KLHL11: variants seen among roughly 807,000 people sequenced by gnomAD.
KLHL11 encodes kelch-like protein 11.
A neutral mutation model predicts 56.1 loss-of-function variants in KLHL11; 26 were observed. That is an observed-to-expected ratio of 0.46 (90% CI 0.34 to 0.64). The LOEUF (loss-of-function observed/expected upper bound fraction) is 0.64. KLHL11 is among the 30% of genes least tolerant of loss of function. The probability of loss-of-function intolerance (pLI) is 0.01; values close to 1 mark genes in which losing one functional copy is unlikely to be tolerated. For synonymous variants in KLHL11, 338 were observed against 345.8 expected (o/e 0.98, Z 0.25); for missense variants, 627 against 919.4 (o/e 0.68, Z 4.11).
Position 41,851,393 on chromosome 17 carries a change from G to C in KLHL11, c.*2347C>G, listed in dbSNP as rs1352940116. 1 of 152,094 alleles carries C rather than the reference G, an allele frequency of 6.6e-6. No homozygotes were observed. Among genetic ancestry groups the C allele is most frequent in the Non-Finnish European group, 1.5e-5 (1 of 68,044 alleles). The allele number at this position is 152,094 out of a possible 1,614,324, so 9.4% of individuals were successfully genotyped here. On this transcript the variant is annotated 3_prime_UTR_variant, in exon 2 of 2. Coordinates refer to ENST00000319121, the MANE Select transcript of KLHL11 (RefSeq NM_018143.3). ...CTGAGGTGGGCGGATCACGAGGTCA[G>C]GAGTTCGAGACCAGCCTAACCAACA...
rs1250188452 is a variant in KLHL11, at chr17:41,865,405, G to A, written c.-35C>T. Reference sequence around the variant, plus strand: ...GCTGCGCCCGGCCTCCACAGCCTCGGAACGATGCGGCTGTTGGTACGACAC... The same window carrying A: ...GCTGCGCCCGGCCTCCACAGCCTCGAAACGATGCGGCTGTTGGTACGACAC... On this transcript the variant is annotated 5_prime_UTR_variant, in exon 1 of 2. Transcript: ENST00000319121. 8.8e-6 allele frequency: 11 copies of A among 1,251,156 alleles called. No homozygotes were observed. Among genetic ancestry groups the A allele is most frequent in the Admixed American group, 3.4e-5 (1 of 29,648 alleles). 77.5% of individuals were successfully genotyped at this position (1,251,156 alleles called of 1,614,324 possible).
Position 41,851,804 on chromosome 17 carries a change from C to A in KLHL11, c.*1936G>T, listed in dbSNP as rs7216097. Among the ~76,000 whole-genome samples, 114,511 of 150,858 alleles carry A rather than the reference C, an allele frequency of 0.76. 43,687 individuals are homozygous for A. Among genetic ancestry groups the A allele is most frequent in the Admixed American group, 0.85 (12,813 of 15,162 alleles). The stretch of plus-strand genomic sequence containing the variant: ...CGCGTGCCCATAGTCCCAGCTACTC[C>A]GTATGCTGAGGTGGCAGGATGGCTT... On this transcript the variant is annotated 3_prime_UTR_variant, in exon 2 of 2. Transcript: ENST00000319121.
In KLHL11 at chr17:41,865,374, G is replaced by A. The variant is rs1209486784; in HGVS notation, c.-4C>T. 4.3e-6 allele frequency: 6 copies of A among 1,407,528 alleles called. No individual in the cohort carries two copies. Among genetic ancestry groups the A allele is most frequent in the Non-Finnish European group, 5.5e-6 (6 of 1,083,006 alleles). 87.2% of individuals were successfully genotyped at this position (1,407,528 alleles called of 1,614,324 possible). On this transcript the variant is annotated 5_prime_UTR_variant, in exon 1 of 2. Transcript: ENST00000319121. ...CCGCCACTGCCGCAGCCGCCATCTTGACGCCGCTGCGCCCGGCCTCCACAG... is the reference window on the plus strand; with the variant it reads ...CCGCCACTGCCGCAGCCGCCATCTTAACGCCGCTGCGCCCGGCCTCCACAG...
Position 41,854,985 on chromosome 17 carries a change from C to A in KLHL11, c.882G>T (p.Leu294Phe), listed in dbSNP as rs1555622373. 2 of 1,614,038 alleles carry A rather than the reference C, an allele frequency of 1.2e-6. No individual in the cohort carries two copies. The highest frequency in any genetic ancestry group is 3.3e-5 in the Admixed American group (2 of 59,998). ...TAAGGTAGGTAGGTTTCATCTGGGA[C>A]AACCTGAGCAATTTAAAAAGTTCTT... ...YFEELFKLLR[L>F]SQMKPTYLTR... Residue 294 changes from leucine (L) to phenylalanine (F), a missense_variant, in exon 2 of 2, where the codon TTG becomes TTT. Physicochemically the swap from Leu to Phe is conservative, Grantham distance 22 (BLOSUM62 0). Coordinates refer to ENST00000319121, the MANE Select transcript of KLHL11 (RefSeq NM_018143.3). The surrounding 1 kb of genome is among the most constrained non-coding windows in gnomAD (Gnocchi z 4.9).
intron 1 of KLHL11, among the ~76,000 whole-genome samples, chr17:41,858,438 G>GT (rs1238461188): frequency 5.1e-5 from 3 of 58,542 alleles, no homozygotes; most frequent in South Asian, 7.9e-4. Context: ...TGTTGTTGTT[G>GT]TTTTTCTCCC....
At chr17:41,855,415 G>T in intron 1 of KLHL11, 94 bp from the exon 2 acceptor site, 1 of 910,284 alleles carries the variant, frequency 1.1e-6, no homozygotes, top group Non-Finnish European at 1.6e-6. Flanking sequence ...GTCTCACTCT[G>T]CCACCCAGGT....
chr17:41,854,303 C>G lies in KLHL11; in HGVS notation c.1564G>C (p.Ala522Pro), dbSNP rs782615605. 3 of 1,614,046 alleles carry G rather than the reference C, an allele frequency of 1.9e-6. No homozygotes were observed. The highest frequency in any genetic ancestry group is 2.5e-6 in the Non-Finnish European group (3 of 1,180,026). The change falls in exon 2 of 2, where the codon GCT becomes CCT. Residue 522 changes from alanine (A) to proline (P), a missense_variant. Transcript: ENST00000319121. The surrounding 1 kb of genome is among the most constrained non-coding windows in gnomAD (Gnocchi z 4.9). ...VDRDTEDGLK[A>P]VITCYDTETR... is the part of the protein sequence containing the mutation. The stretch of plus-strand genomic sequence containing the variant: ...TCTGTATCATAGCAAGTAATTACAG[C>G]CTTTAATCCATCTTCAGTGTCCCGG...
At position 41,854,345 on chromosome 17, in the gene KLHL11, C is replaced by T. The variant is rs781982397; in HGVS notation, c.1522G>A (p.Ala508Thr). The T allele has an allele frequency of 4.3e-6, 7 of 1,614,008 alleles. No homozygotes were observed. The highest frequency in any genetic ancestry group is 1.3e-5 in the African/African-American group (1 of 74,876). Residue 508 changes from alanine to threonine, a missense_variant, in exon 2 of 2, where the codon GCC (alanine) becomes ACC (threonine). Physicochemically the swap from Ala to Thr is moderately conservative, Grantham distance 58. Transcript: ENST00000319121. This position sits in a 1 kb window ranked among gnomAD's most constrained non-coding sequence, Gnocchi z 4.9. ...GTGTCCCGGTCTACAGGAGTGCGGG[C>T]GGCAATGTATACAAACCGGTCTTCA... Reference protein sequence around the residue: ...AIEDRFVYIAARTPVDRDTED... With the variant: ...AIEDRFVYIATRTPVDRDTED...
Position 41,854,766 on chromosome 17 carries a change from C to T in KLHL11, c.1101G>A (p.Val367=), listed in dbSNP as rs2048354579. The stretch of plus-strand genomic sequence containing the variant: ...CACTTAAATAGTCCCCTCCTTCTGA[C>T]ACACCTCCAATAACCATGATCACAT... ...NMDVIMVIGG[V]SEGGDYLSEC... Residue 367 remains valine, a synonymous_variant, in exon 2 of 2, where the codon GTG becomes GTA. Transcript: ENST00000319121. This position sits in a 1 kb window ranked among gnomAD's most constrained non-coding sequence, Gnocchi z 4.9. The T allele has an allele frequency of 2.5e-6, 4 of 1,614,182 alleles. No homozygotes were observed. Among genetic ancestry groups the T allele is most frequent in the Non-Finnish European group, 3.4e-6 (4 of 1,180,030 alleles).
chr17:41,860,914 C>T (rs1014518172), intron 1 of KLHL11, among the ~76,000 whole-genome samples: 9 of 152,082 alleles, frequency 5.9e-5, no homozygotes, highest in African/African-American at 1.9e-4. Context: ...TCAGAGGGGC[C>T]GAAACCACAG....
rs2048434600 is a variant in KLHL11, at chr17:41,865,296, G to A, written c.75C>T (p.Ser25=). The change falls in exon 1 of 2, where the codon AGC becomes AGT. Residue 25 remains serine (S), a synonymous_variant. Transcript: ENST00000319121. The part of the protein sequence containing the change: ...AASLQVLEME[S]METAAAGSAG... The stretch of plus-strand genomic sequence containing the variant: ...CCGAGCCGGCGGCGGCCGTCTCCAT[G>A]CTCTCCATCTCCAGTACCTGAAGAG... 2.6e-6 allele frequency: 4 copies of A among 1,565,192 alleles called. No homozygotes were observed. The East Asian group carries it at 9.3e-5, about 36-fold the overall frequency.
At chr17:41,855,962 T>C (rs1426039899) in intron 1 of KLHL11, among the ~76,000 whole-genome samples, 2 of 147,966 alleles carry the variant, frequency 1.4e-5, no homozygotes, top group Admixed American at 6.9e-5. Flanking sequence ...AGGTGTGAGC[T>C]GCCATGCCCG....
At position 41,855,053 on chromosome 17, in the gene KLHL11, T is replaced by G. The variant is rs782496373; in HGVS notation, c.814A>C (p.Lys272Gln). ...SEEVLFETVL[K>Q]WVQRNAEERE... The stretch of plus-strand genomic sequence containing the variant: ...TCTTCAGCATTTCTCTGAACCCATT[T>G]CAAAACGGTTTCAAAGAGAACCTCT... The change falls in exon 2 of 2, where the codon AAA (lysine) becomes CAA (glutamine). Residue 272 changes from lysine (K) to glutamine (Q), a missense_variant. Transcript: ENST00000319121. 1.2e-6 allele frequency: 2 copies of G among 1,614,072 alleles called. No homozygotes were observed. The highest frequency in any genetic ancestry group is 3.3e-5 in the Admixed American group (2 of 60,008).
chr17:41,855,610 A>T (rs1264431982), intron 1 of KLHL11, among the ~76,000 whole-genome samples: 2 of 151,440 alleles, frequency 1.3e-5, no homozygotes, highest in African/African-American at 4.9e-5. Context: ...CCTCAAAGTG[A>T]TCCGCCCGCC....
At chr17:41,860,974 G>A (rs2048398934) in intron 1 of KLHL11, among the ~76,000 whole-genome samples, 1 of 152,190 alleles carries the variant, frequency 6.6e-6, no homozygotes, top group South Asian at 2.1e-4. Flanking sequence ...CATCTGTAGA[G>A]AAAATCTACA....
intron 1 of KLHL11, among the ~76,000 whole-genome samples, chr17:41,861,104 C>T (rs1441125280): frequency 6.6e-6 from 1 of 152,196 alleles, no homozygotes; most frequent in Non-Finnish European, 1.5e-5. Context: ...AGGTCTGACA[C>T]TTTAAAGATC....
chr17:41,856,301 T>A (rs1555622553), intron 1 of KLHL11, among the ~76,000 whole-genome samples: 1 of 152,194 alleles, frequency 6.6e-6, no homozygotes, highest in Admixed American at 6.5e-5. Flanking sequence ...TGGCCTACAT[T>A]TAAAAAAATT....
chr17:41,860,321 CTATTAT>C (rs371114411), intron 1 of KLHL11, among the ~76,000 whole-genome samples: 11 of 135,346 alleles, frequency 8.1e-5, no homozygotes, highest in African/African-American at 3.1e-4. Flanking sequence ...TGTGCACATC[CTATTAT>C]TATATTTCTG....
At position 41,849,148 on chromosome 17, in the gene KLHL11, TGA is replaced by T. The variant is rs1330972785; in HGVS notation, c.*4590_*4591del. ...GAGTGATGAACTGTGCCAAAATGTT[TGA>T]GAGACTGAATTGTTTCTCAAATATT... On this transcript the variant is annotated 3_prime_UTR_variant, in exon 2 of 2. Transcript: ENST00000319121. 7 of 152,338 alleles carry T rather than the reference TGA, an allele frequency of 4.6e-5. No homozygotes were observed. The highest frequency in any genetic ancestry group is 2.1e-4 in the South Asian group (1 of 4,830). The allele number at this position is 152,338 out of a possible 1,614,324, so 9.4% of individuals were successfully genotyped here.
Sources: allele counts gnomAD v4.1 joint callset (sites outside exome capture counted in the v4.1 genomes callset), GRCh38; gene constraint gnomAD v4.1.1; non-coding constraint Gnocchi (gnomAD v3.1); transcripts MANE v1.5; gene names NCBI Gene and HGNC (gene_info 2026-07-23, HGNC 2026-07-21).